UFM1: variants seen among roughly 807,000 people sequenced by gnomAD.
The protein encoded by UFM1 is ubiquitin-fold modifier 1.
A neutral mutation model predicts 15.4 loss-of-function variants in UFM1; 9 were observed. That is an observed-to-expected ratio of 0.59 (90% CI 0.35 to 1.02). The LOEUF is 1.02. Among genes scored for constraint, UFM1 ranks in the 50% least tolerant of loss-of-function variants. UFM1 has a pLI of 0.02. For missense variants in UFM1, 98 were observed against 104.7 expected (o/e 0.94, Z 0.28); for synonymous variants, 27 against 36.3 (o/e 0.74, Z 0.92).
At chr13:38,359,189 G>T in intron 4 of UFM1, 112 bp from the exon 5 acceptor site, 1 of 786,358 alleles carries the variant, frequency 1.3e-6, no homozygotes, top group Non-Finnish European at 2.0e-6. Context: ...TAAAGTGTTT[G>T]GCTTATGTCT....
rs1879495054 is a variant in UFM1, at chr13:38,363,039, C to G, written c.*2261C>G. On this transcript the variant is annotated 3_prime_UTR_variant, in exon 6 of 6. Coordinates refer to ENST00000239878, the MANE Select transcript of UFM1 (RefSeq NM_016617.4). ...TGTTCTTATTATTAGAGCTCTTAAT[C>G]AGCACACCTTTTGAGTCAGTATATA... is the stretch of plus-strand genomic sequence containing the variant. The G allele has an allele frequency of 6.6e-6, 1 of 152,038 alleles. No homozygotes were observed. The highest frequency in any genetic ancestry group is 1.5e-5 in the Non-Finnish European group (1 of 68,010). The allele number at this position is 152,038 out of a possible 1,614,324, so 9.4% of individuals were successfully genotyped here. A position where few individuals can be genotyped will look rare whatever the true frequency, so the allele number is the denominator to read the frequency against.
At position 38,350,179 on chromosome 13, in the gene UFM1, TG is replaced by T. The variant is rs1198634532; in HGVS notation, c.59+126del. 9.3e-6 allele frequency: 15 copies of T among 1,613,860 alleles called. No homozygotes were observed. The highest frequency in any genetic ancestry group is 1.3e-5 in the Non-Finnish European group (15 of 1,179,826). ...CATCTCTTCACTTCATCTACTTTCC[TG>T]GCTCGCGCCCTTCCAGGAGCCTTTC... On this transcript the variant is annotated intron_variant, in intron 2 of 5. Transcript: ENST00000239878.
intron 4 of UFM1, among the ~76,000 whole-genome samples, 189 bp from the exon 5 acceptor site, chr13:38,359,112 A>C (rs116493880): frequency 6.6e-6 from 1 of 152,082 alleles, no homozygotes; most frequent in South Asian, 2.1e-4. Flanking sequence ...AATGTGTATG[A>C]ATGCAGAATA....
At chr13:38,356,279 CTCAA>C (rs1169351288) in intron 3 of UFM1, among the ~76,000 whole-genome samples, 1 of 151,790 alleles carries the variant, frequency 6.6e-6, no homozygotes, top group African/African-American at 2.4e-5. Flanking sequence ...ATGTAAAAGA[CTCAA>C]TCAGTAGGGT....
intron 2 of UFM1, among the ~76,000 whole-genome samples, chr13:38,353,463 G>A (rs1210715064): frequency 1.3e-5 from 2 of 151,782 alleles, no homozygotes; most frequent in Middle Eastern, 3.4e-3. Flanking sequence ...GTTTTCTTAA[G>A]GTATAAAGTA....
rs1015550046 is a variant in UFM1 at position 38,350,305 on chromosome 13, C to A, written c.59+250C>A. On this transcript the variant is annotated intron_variant, in intron 2 of 5. Transcript: ENST00000239878. ...GTGTGGGTGTGTTTCTGATTAGTGACCTCCCCTCGGAATTCATTTGGTGGG... is the reference window on the plus strand; with the variant it reads ...GTGTGGGTGTGTTTCTGATTAGTGAACTCCCCTCGGAATTCATTTGGTGGG... 4.2e-6 allele frequency: 6 copies of A among 1,434,484 alleles called. No individual in the cohort carries two copies. In the Admixed American group the frequency reaches 7.9e-5, roughly 19 times the overall value. The allele number at this position is 1,434,484 out of a possible 1,614,324, so 88.9% of individuals were successfully genotyped here. A position where few individuals can be genotyped will look rare whatever the true frequency, so the allele number is the denominator to read the frequency against.
intron 3 of UFM1, among the ~76,000 whole-genome samples, chr13:38,355,956 T>C (rs148504787): frequency 3.5e-4 from 53 of 151,898 alleles, no homozygotes; most frequent in African/African-American, 1.2e-3. Context: ...GGGTAAGTAA[T>C]GAATTGTTGA....
chr13:38,355,248 A>G (rs75307954), intron 3 of UFM1, among the ~76,000 whole-genome samples: 1 of 152,136 alleles, frequency 6.6e-6, no homozygotes, highest in East Asian at 1.9e-4. Context: ...AGCTCCTTGT[A>G]TTGTCAGGAA....
chr13:38,354,517 T>C lies in UFM1; in HGVS notation c.117+221T>C. 4 of 379,422 alleles carry C rather than the reference T, an allele frequency of 1.1e-5. No homozygotes were observed. The Admixed American group carries it at 1.3e-4, about 13-fold the overall frequency. 23.5% of individuals were successfully genotyped at this position (379,422 alleles called of 1,614,324 possible). A position where few individuals can be genotyped will look rare whatever the true frequency, so the allele number is the denominator to read the frequency against. On this transcript the variant is annotated intron_variant, in intron 3 of 5. Transcript: ENST00000239878. ...TGATTAATGCAACCATTGAAAATTA[T>C]AAGAATTTAATGAATTTTTATGAGA...
At chr13:38,353,585 A>T (rs989160739) in intron 2 of UFM1, among the ~76,000 whole-genome samples, 21 of 152,084 alleles carry the variant, frequency 1.4e-4, no homozygotes, top group Non-Finnish European at 4.4e-5. Flanking sequence ...ACTTGCCGTT[A>T]TATGAGTCAG....
intron 3 of UFM1, among the ~76,000 whole-genome samples, chr13:38,357,803 T>C (rs1269071651): frequency 1.3e-5 from 2 of 151,912 alleles, no homozygotes. Context: ...TAAGTGGAAG[T>C]GGACCATGGG....
intron 3 of UFM1, among the ~76,000 whole-genome samples, chr13:38,355,663 C>T (rs1338171759): frequency 6.6e-6 from 1 of 151,694 alleles, no homozygotes; most frequent in African/African-American, 2.4e-5. Flanking sequence ...ATAAGTAAAG[C>T]TTACAGTAGA....
At position 38,361,886 on chromosome 13, in the gene UFM1, A is replaced by G. The variant is rs1241542251; in HGVS notation, c.*1108A>G. The G allele has an allele frequency of 4.6e-5, 7 of 152,282 alleles. No individual in the cohort carries two copies. Among genetic ancestry groups the G allele is most frequent in the African/African-American group, 1.7e-4 (7 of 41,460 alleles). 9.4% of individuals were successfully genotyped at this position (152,282 alleles called of 1,614,324 possible). A position where few individuals can be genotyped will look rare whatever the true frequency, so the allele number is the denominator to read the frequency against. On this transcript the variant is annotated 3_prime_UTR_variant, in exon 6 of 6. Transcript: ENST00000239878. ...ATGTTGGGGAGAACTGAAAGGGAAA[A>G]CAAAATACTTGACATAGTCTTAAGT...
At chr13:38,357,139 A>T (rs1422211919) in intron 3 of UFM1, among the ~76,000 whole-genome samples, 2 of 151,928 alleles carry the variant, frequency 1.3e-5, no homozygotes, top group Non-Finnish European at 2.9e-5. Context: ...TTTCCTAATG[A>T]CATAATTGGA....
Position 38,358,071 on chromosome 13 carries a change from ATTT to A in UFM1, c.118-15_118-13del, listed in dbSNP as rs68091289. On this transcript the variant is annotated intron_variant, in intron 3 of 5. Transcript: ENST00000239878. ...TGTGTGTGTGTGTATATATATATAT[ATTT>A]TTTTTTCCTTCTATTTAGTTTAAAG... 2.3e-5 allele frequency: 13 copies of A among 554,908 alleles called. No individual in the cohort carries two copies. Among genetic ancestry groups the A allele is most frequent in the Middle Eastern group, 5.3e-4 (1 of 1,900 alleles). 34.4% of individuals were successfully genotyped at this position (554,908 alleles called of 1,614,324 possible).
At position 38,360,693 on chromosome 13, in the gene UFM1, TTTTG is replaced by T. The variant is rs770692596; in HGVS notation, c.191-8_191-5del. The T allele has an allele frequency of 1.1e-5, 18 of 1,570,644 alleles. No homozygotes were observed. The highest frequency in any genetic ancestry group is 2.3e-4 in the Middle Eastern group (1 of 4,348). On this transcript the variant is annotated splice_polypyrimidine_tract_variant and intron_variant, in intron 5 of 5. Coordinates refer to ENST00000239878, the MANE Select transcript of UFM1 (RefSeq NM_016617.4). Reference sequence around the variant, plus strand: ...TGATTTTTAGATATCTAACTTTATGTTTTGTTTGTTTGTATAGGAAATGTTTTTC... The same window carrying T: ...TGATTTTTAGATATCTAACTTTATGTTTTGTTTGTATAGGAAATGTTTTTC...
chr13:38,351,079 T>A (rs1408976515), intron 2 of UFM1, among the ~76,000 whole-genome samples: 1 of 152,222 alleles, frequency 6.6e-6, no homozygotes, highest in Non-Finnish European at 1.5e-5. Flanking sequence ...ACAGTGATTT[T>A]TTATCTGTAG....
intron 2 of UFM1, among the ~76,000 whole-genome samples, chr13:38,352,687 T>G (rs1352587380): frequency 6.6e-6 from 1 of 152,210 alleles, no homozygotes; most frequent in Admixed American, 6.5e-5. Flanking sequence ...TTTCTGCCAG[T>G]TAGAACTTGC....
chr13:38,360,618 T>C (rs1879325038), intron 5 of UFM1, 93 bp from the exon 6 acceptor site: 14 of 996,902 alleles, frequency 1.4e-5, no homozygotes, highest in Middle Eastern at 3.1e-4. Context: ...ATTTTACTGT[T>C]TACTAAATCA....
Sources: gnomAD v4.1 joint callset for allele counts (sites outside exome capture counted in the v4.1 genomes callset) on GRCh38, gnomAD v4.1.1 for gene constraint, MANE v1.5 for transcripts, NCBI Gene and HGNC (gene_info 2026-07-23, HGNC 2026-07-21) for gene names.